Variants in GPR55 observed in about 807,000 individuals in gnomAD.
GPR55 encodes G protein-coupled receptor 55.
A neutral mutation model predicts 7.9 loss-of-function variants in GPR55; 6 were observed. The observed-to-expected ratio is 0.76, with a 90% CI of 0.41 to 1.49. GPR55 has a LOEUF of 1.49. GPR55 is among the 40% of genes most tolerant of loss of function. The probability of loss-of-function intolerance (pLI) is 0.01; values close to 1 mark genes in which losing one functional copy is unlikely to be tolerated. For synonymous variants in GPR55, 183 were observed against 166.8 expected (o/e 1.10, Z -0.75); for missense variants, 376 against 406.0 (o/e 0.93, Z 0.63).
intron 1 of GPR55, among the ~76,000 whole-genome samples, chr2:230,933,765 G>A (rs531378592): frequency 3.9e-5 from 6 of 152,336 alleles, no homozygotes; most frequent in East Asian, 1.9e-4. Context: ...GAGGCAGGGC[G>A]GGGGCTCCCT....
chr2:230,925,634 C>T (rs953842541), upstream of GPR55, among the ~76,000 whole-genome samples: 2 of 152,166 alleles, frequency 1.3e-5, no homozygotes, highest in South Asian at 2.1e-4. Context: ...CAAGGGCCGT[C>T]GTGGCTTCCA....
chr2:230,955,324 A>C (rs907332847), intron 1 of GPR55, among the ~76,000 whole-genome samples: 1 of 152,172 alleles, frequency 6.6e-6, no homozygotes, highest in Non-Finnish European at 1.5e-5. Context: ...CCTATTTTCC[A>C]TGTCTCCTTG....
In GPR55 at chr2:230,910,060, G is replaced by A; in HGVS notation, c.903C>T (p.Ala301=). The change falls in exon 2 of 2, where the codon GCC becomes GCT. Residue 301 remains alanine (A), a synonymous_variant. Coordinates refer to ENST00000650999, the MANE Select transcript of GPR55 (RefSeq NM_005683.4). The surrounding 1 kb of genome is among the most constrained non-coding windows in gnomAD (Gnocchi z 5.4). The part of the protein sequence containing the change: ...VIKEFRMNIR[A]HRPSRVQLVL... ...CCAGCTGGACCCTGGAAGGCCGGTG[G>A]GCCCTGATGTTCATGCGGAATTCTT... 6.2e-7 allele frequency: 1 copy of A among 1,614,070 alleles called. No individual in the cohort carries two copies. Among genetic ancestry groups the A allele is most frequent in the Non-Finnish European group, 8.5e-7 (1 of 1,179,968 alleles).
intron 1 of GPR55, chr2:230,957,863 T>C (rs1574638968): frequency 3.3e-6 from 2 of 605,064 alleles, no homozygotes; most frequent in East Asian, 5.0e-5. Context: ...CAGGAAAGAA[T>C]TGCCAGAGAA....
At chr2:230,911,211 C>T (rs1202256583) in intron 1 of GPR55, 115 bp from the exon 2 acceptor site, 8 of 490,038 alleles carry the variant, frequency 1.6e-5, no homozygotes, top group South Asian at 3.7e-5. Context: ...ACCATACACA[C>T]ATTTTTCTTT....
At chr2:230,945,680 C>T (rs569646494) in intron 1 of GPR55, among the ~76,000 whole-genome samples, 1 of 152,244 alleles carries the variant, frequency 6.6e-6, no homozygotes, top group Non-Finnish European at 1.5e-5. Context: ...TCACGCCATT[C>T]TCCTTCCTCA....
At chr2:230,959,990 C>T (rs78205804) in intron 1 of GPR55, among the ~76,000 whole-genome samples, 6,802 of 152,220 alleles carry the variant, frequency 0.045, 339 homozygotes, top group African/African-American at 0.12. Flanking sequence ...GGGGGTTGCC[C>T]GTCCCTATCA....
At position 230,907,358 on chromosome 2, in the gene GPR55, A is replaced by G. The variant is rs572681169; in HGVS notation, c.*2645T>C. On this transcript the variant is annotated 3_prime_UTR_variant, in exon 2 of 2. Coordinates refer to ENST00000650999, the MANE Select transcript of GPR55 (RefSeq NM_005683.4). ...TGAATCTATTTATTTGGCGAATCAG[A>G]TTAATCAAGTCATTTTTTCCAAAGC... 88 of 152,384 alleles carry G rather than the reference A, an allele frequency of 5.8e-4. No individual in the cohort carries two copies. The highest frequency in any genetic ancestry group is 1.9e-3 in the African/African-American group (79 of 41,584). 9.4% of individuals were successfully genotyped at this position (152,384 alleles called of 1,614,324 possible).
intron 1 of GPR55, among the ~76,000 whole-genome samples, chr2:230,947,226 A>C (rs1691331840): frequency 6.6e-6 from 1 of 152,042 alleles, no homozygotes; most frequent in Non-Finnish European, 1.5e-5. Context: ...GCACCACCAG[A>C]GTTTTGTTGG....
intron 1 of GPR55, among the ~76,000 whole-genome samples, chr2:230,935,703 C>T (rs548784401): frequency 9.9e-5 from 15 of 152,146 alleles, no homozygotes; most frequent in African/African-American, 2.4e-4. Flanking sequence ...CCGGAGGGTA[C>T]GGAATACCGA....
intron 1 of GPR55, among the ~76,000 whole-genome samples, chr2:230,942,921 C>T (rs73093112): frequency 0.1 from 15,844 of 152,058 alleles, 2,224 homozygotes; most frequent in African/African-American, 0.32. Flanking sequence ...TGCCAATGAA[C>T]AGAGTGAGAG....
chr2:230,961,029 A>T (rs1425797185), exon 1 of GPR55: 1 of 152,258 alleles, frequency 6.6e-6, no homozygotes, highest in Non-Finnish European at 1.5e-5. Context: ...AACCATGCCC[A>T]GCCGAAAAGT....
upstream of GPR55, among the ~76,000 whole-genome samples, chr2:230,928,768 C>A (rs944663573): frequency 7.2e-5 from 11 of 152,132 alleles, no homozygotes; most frequent in Non-Finnish European, 1.5e-4. Flanking sequence ...TCAGAGGAAG[C>A]CCCAACAGAG....
Position 230,909,536 on chromosome 2 carries a change from A to G in GPR55, c.*467T>C, listed in dbSNP as rs959290626. On this transcript the variant is annotated 3_prime_UTR_variant, in exon 2 of 2. Transcript: ENST00000650999. ...TGCTCTGTTCTGGGACACCCAAACT[A>G]AAAAGGGACTTCACTCATCCCTACC... The G allele has an allele frequency of 1.2e-5, 2 of 168,782 alleles. No individual in the cohort carries two copies. The highest frequency in any genetic ancestry group is 4.8e-5 in the African/African-American group (2 of 41,716). The allele number at this position is 168,782 out of a possible 1,614,324, so 10.5% of individuals were successfully genotyped here.
Position 230,925,154 on chromosome 2 carries a change from C to T in GPR55, c.-135+14G>A, listed in dbSNP as rs574921251. The stretch of plus-strand genomic sequence containing the variant: ...CCGTGCCTTAGTTTCTCTAAATGGC[C>T]CAGAGGCTGTTACCTGTTGGTGGTC... On this transcript the variant is annotated intron_variant, in intron 1 of 1. Transcript: ENST00000650999. 3.3e-5 allele frequency: 5 copies of T among 152,862 alleles called. No individual in the cohort carries two copies. Among genetic ancestry groups the T allele is most frequent in the African/African-American group, 1.2e-4 (5 of 41,558 alleles). 9.5% of individuals were successfully genotyped at this position (152,862 alleles called of 1,614,324 possible). A position where few individuals can be genotyped will look rare whatever the true frequency, so the allele number is the denominator to read the frequency against.
At chr2:230,952,450 T>C (rs528448435) in intron 1 of GPR55, among the ~76,000 whole-genome samples, 15 of 152,342 alleles carry the variant, frequency 9.8e-5, no homozygotes, top group Middle Eastern at 3.4e-3. Flanking sequence ...CAGCCCTCCG[T>C]GGGATGTCCT....
chr2:230,938,745 G>A (rs1028663267), intron 1 of GPR55, among the ~76,000 whole-genome samples: 8 of 152,214 alleles, frequency 5.3e-5, no homozygotes, highest in African/African-American at 1.9e-4. Context: ...AGAGGCACTG[G>A]GGCAGCCATG....
chr2:230,913,852 T>C (rs1690651179), intron 1 of GPR55, among the ~76,000 whole-genome samples: 1 of 152,190 alleles, frequency 6.6e-6, no homozygotes, highest in Non-Finnish European at 1.5e-5. Flanking sequence ...CTTGGAGAAG[T>C]TGTCTTCAAG....
rs1478962851 is a variant in GPR55, at chr2:230,944,146, C to T, written c.-135+16629G>A. Among the ~76,000 whole-genome samples, 1 of 152,178 alleles carries T rather than the reference C, an allele frequency of 6.6e-6. No homozygotes were observed. ...TTACACACACAACAGCATCTTGGTC[C>T]CAGATGCCGGGTCCCAGAGAGGACC... is the stretch of plus-strand genomic sequence containing the variant. On this transcript the variant is annotated intron_variant, in intron 1 of 1. Coordinates refer to the GPR55 transcript ENST00000392039. This position sits in a 1 kb window ranked among gnomAD's most constrained non-coding sequence, Gnocchi z 4.2.
Sources: gnomAD v4.1 joint callset for allele counts (sites outside exome capture counted in the v4.1 genomes callset) on GRCh38, gnomAD v4.1.1 for gene constraint, Gnocchi (gnomAD v3.1) non-coding constraint, MANE v1.5 for transcripts, NCBI Gene and HGNC (gene_info 2026-07-23, HGNC 2026-07-21) for gene names.